The following FSTL5 variants were observed in gnomAD, a reference collection of about 807,000 sequenced individuals.
FSTL5 encodes follistatin-related protein 5.
FSTL5 carries 62 observed loss-of-function variants against 89.1 expected under a neutral mutation model. That is an observed-to-expected ratio of 0.70 (90% confidence interval 0.57 to 0.86). The LOEUF (loss-of-function observed/expected upper bound fraction) is 0.86. FSTL5 is among the 40% of genes least tolerant of loss of function. The probability of loss-of-function intolerance (pLI) is 0.00; values close to 1 mark genes in which losing one functional copy is unlikely to be tolerated. For synonymous variants in FSTL5, 383 were observed against 346.2 expected (o/e 1.11, Z -1.18); for missense variants, 1,057 against 1,001.6 (o/e 1.06, Z -0.75).
rs1738363550 is a variant in FSTL5 at position 162,051,085 on chromosome 4, T to C, written c.127-17427A>G. On this transcript the variant is annotated intron_variant, in intron 2 of 15. Transcript: ENST00000306100. ...AACACTTAAAACAAAAGGACAAAAA[T>C]GTATGTGTGTGCAGGGGAGGATGTG... Among the ~76,000 whole-genome samples, 4 of 151,458 alleles carry C rather than the reference T, an allele frequency of 2.6e-5. No homozygotes were observed. The South Asian group carries it at 6.2e-4, about 24-fold the overall frequency.
chr4:161,696,824 C>A (rs942951490), intron 6 of FSTL5, among the ~76,000 whole-genome samples: 1 of 152,080 alleles, frequency 6.6e-6, no homozygotes, highest in Admixed American at 6.6e-5. Context: ...TTGCTGAATT[C>A]TTTTATTAAT....
intron 2 of FSTL5, among the ~76,000 whole-genome samples, chr4:162,037,482 G>A (rs1241857327): frequency 6.6e-6 from 1 of 151,854 alleles, no homozygotes; most frequent in Non-Finnish European, 1.5e-5. Context: ...GTATGATTGA[G>A]CCAATCCTAG....
At chr4:161,594,279 G>T (rs148903812) in intron 7 of FSTL5, among the ~76,000 whole-genome samples, 47 of 152,176 alleles carry the variant, frequency 3.1e-4, no homozygotes, top group African/African-American at 1.1e-3. Flanking sequence ...GAATATATGT[G>T]AATGGCATTT....
chr4:162,152,977 A>T (rs78524866), intron 1 of FSTL5, among the ~76,000 whole-genome samples: 4 of 152,018 alleles, frequency 2.6e-5, no homozygotes, highest in Non-Finnish European at 4.4e-5. Context: ...TTTTTTCATG[A>T]TATGTGCCTT....
intron 7 of FSTL5, among the ~76,000 whole-genome samples, chr4:161,592,811 T>C (rs973139027): frequency 1.3e-5 from 2 of 152,178 alleles, no homozygotes; most frequent in Non-Finnish European, 1.5e-5. Flanking sequence ...CTGGGTCAGA[T>C]GGTATTTCTC....
At chr4:161,457,198 C>T in intron 14 of FSTL5, among the ~76,000 whole-genome samples, 1 of 152,150 alleles carries the variant, frequency 6.6e-6, no homozygotes. Flanking sequence ...ATCTACCTAT[C>T]TAATCAAGCT....
Position 162,064,297 on chromosome 4 carries a change from A to T in FSTL5, c.127-30639T>A, listed in dbSNP as rs1222460566. 1.3e-5 allele frequency among the ~76,000 whole-genome samples: 2 copies of T among 151,978 alleles called. 1 individual carries two copies. The highest frequency in any genetic ancestry group is 2.9e-5 in the Non-Finnish European group (2 of 67,964). ...CATCTGTGGCTACTTACTAGAAGGGATGTGAAATGTTTTATCAAAAATGAT... is the reference window on the plus strand; with the variant it reads ...CATCTGTGGCTACTTACTAGAAGGGTTGTGAAATGTTTTATCAAAAATGAT... On this transcript the variant is annotated intron_variant, in intron 2 of 15. Transcript: ENST00000306100.
intron 10 of FSTL5, among the ~76,000 whole-genome samples, chr4:161,532,395 G>A (rs1731442992): frequency 6.6e-6 from 1 of 152,038 alleles, no homozygotes; most frequent in Non-Finnish European, 1.5e-5. Context: ...CATCAGTGAG[G>A]TGTTGTGTGA....
intron 4 of FSTL5, among the ~76,000 whole-genome samples, chr4:161,813,424 T>G (rs1010082863): frequency 6.6e-6 from 1 of 151,816 alleles, no homozygotes. Flanking sequence ...ATAAAAAAAA[T>G]TTGGGGGGCG....
chr4:161,570,417 A>G (rs560131251), intron 8 of FSTL5, among the ~76,000 whole-genome samples: 7 of 152,288 alleles, frequency 4.6e-5, no homozygotes, highest in South Asian at 2.1e-4. Context: ...ATGCAGCTGG[A>G]TTACACTTTC....
intron 5 of FSTL5, among the ~76,000 whole-genome samples, chr4:161,765,818 CAG>C (rs940713930): frequency 1.4e-5 from 2 of 146,110 alleles, no homozygotes; most frequent in African/African-American, 2.6e-5. Flanking sequence ...TTTTTTGAGA[CAG>C]AGTCTTGCTC....
intron 6 of FSTL5, among the ~76,000 whole-genome samples, chr4:161,696,782 A>G (rs1048093911): frequency 3.3e-5 from 5 of 152,144 alleles, no homozygotes; most frequent in African/African-American, 1.2e-4. Context: ...AGCACTACTG[A>G]TTTGTGTACA....
intron 3 of FSTL5, among the ~76,000 whole-genome samples, chr4:161,985,300 T>G (rs763141493): frequency 2.0e-5 from 3 of 152,154 alleles, no homozygotes; most frequent in Non-Finnish European, 4.4e-5. Context: ...ACATTCTTCA[T>G]GAAACTTCAT....
At chr4:161,846,462 T>C (rs1731373163) in intron 4 of FSTL5, among the ~76,000 whole-genome samples, 1 of 152,136 alleles carries the variant, frequency 6.6e-6, no homozygotes. Flanking sequence ...GAGGCATTTA[T>C]ACAGTTTTAC....
intron 4 of FSTL5, among the ~76,000 whole-genome samples, chr4:161,824,916 C>T (rs1185480843): frequency 1.3e-5 from 2 of 152,130 alleles, no homozygotes; most frequent in Admixed American, 6.5e-5. Flanking sequence ...CTAGCTAGGA[C>T]TTCCAGTACT....
chr4:162,144,298 A>G lies in FSTL5; in HGVS notation c.-17+19317T>C, dbSNP rs545639396. Among the ~76,000 whole-genome samples, 3 of 152,290 alleles carry G rather than the reference A, an allele frequency of 2.0e-5. No homozygotes were observed. The South Asian group carries it at 6.2e-4, about 32-fold the overall frequency. ...ACTTAATTATTTGGGAGGAATTTCC[A>G]TTTGTGTTATATGTTCTATTATCGA... On this transcript the variant is annotated intron_variant, in intron 1 of 15. Transcript: ENST00000306100.
chr4:162,143,347 AATTTT>A (rs1295283525), intron 1 of FSTL5, among the ~76,000 whole-genome samples: 1 of 152,086 alleles, frequency 6.6e-6, no homozygotes, highest in Admixed American at 6.6e-5. Flanking sequence ...GATTTAATTC[AATTTT>A]ATTTTATTTT....
intron 1 of FSTL5, among the ~76,000 whole-genome samples, chr4:162,125,187 A>C (rs989449069): frequency 1.4e-4 from 21 of 152,180 alleles, no homozygotes; most frequent in African/African-American, 5.1e-4. Flanking sequence ...TTATCTTATA[A>C]AAATGAAATT....
intron 4 of FSTL5, among the ~76,000 whole-genome samples, chr4:161,865,975 A>C (rs1732074491): frequency 1.3e-5 from 2 of 152,172 alleles, no homozygotes; most frequent in Non-Finnish European, 2.9e-5. Context: ...TCGTAGTTAG[A>C]AAAGAGGGGG....
Sources: gnomAD v4.1 joint callset for allele counts (sites outside exome capture counted in the v4.1 genomes callset) on GRCh38, gnomAD v4.1.1 for gene constraint, MANE v1.5 for transcripts, NCBI Gene and HGNC (gene_info 2026-07-23, HGNC 2026-07-21) for gene names.